Variants in PRDM5 observed in about 807,000 individuals in gnomAD.
PRDM5 encodes PR domain zinc finger protein 5.
Under a neutral mutation model 81.2 loss-of-function variants are expected in PRDM5, and 56 were observed. That is an observed-to-expected ratio of 0.69 (90% CI 0.56 to 0.86). The LOEUF (loss-of-function observed/expected upper bound fraction) is 0.86. PRDM5 is among the 40% of genes least tolerant of loss of function. The pLI, the probability that PRDM5 is intolerant of heterozygous loss-of-function variation, is 0.00. For missense variants in PRDM5, 697 were observed against 770.1 expected, an observed-to-expected ratio of 0.91 and a Z score of 1.12; for synonymous variants, 267 against 256.4, an observed-to-expected ratio of 1.04 and a Z score of -0.39.
chr4:120,807,016 C>T (rs1753077377), intron 8 of PRDM5, among the ~76,000 whole-genome samples: 4 of 152,106 alleles, frequency 2.6e-5, no homozygotes, highest in Admixed American at 2.6e-4. Context: ...AAAAAACAAA[C>T]AACCCCATCA....
intron 2 of PRDM5, among the ~76,000 whole-genome samples, chr4:120,871,076 G>C (rs957392176): frequency 2.0e-5 from 3 of 152,110 alleles, no homozygotes; most frequent in African/African-American, 7.2e-5. Context: ...CTCCACATGG[G>C]AAGAGGGAAC....
chr4:120,741,436 A>C (rs933863305), intron 14 of PRDM5, among the ~76,000 whole-genome samples: 8 of 151,872 alleles, frequency 5.3e-5, no homozygotes, highest in African/African-American at 1.9e-4. Context: ...AAGATGGCCG[A>C]ATAGGAACAG....
intron 13 of PRDM5, among the ~76,000 whole-genome samples, chr4:120,762,960 T>C (rs1343468214): frequency 6.6e-6 from 1 of 152,168 alleles, no homozygotes; most frequent in Non-Finnish European, 1.5e-5. Context: ...GAGTTTACAG[T>C]TGTAAGAAAG....
intron 8 of PRDM5, among the ~76,000 whole-genome samples, chr4:120,802,877 GAGA>G (rs1259091750): frequency 6.6e-6 from 1 of 152,208 alleles, no homozygotes. Flanking sequence ...GACGAGTTGA[GAGA>G]AGAAGGCTTC....
intron 2 of PRDM5, among the ~76,000 whole-genome samples, chr4:120,869,224 G>A (rs190714167): frequency 6.6e-6 from 1 of 151,918 alleles, no homozygotes; most frequent in Non-Finnish European, 1.5e-5. Flanking sequence ...ATAGGGCAAG[G>A]AAATTATAGA....
At chr4:120,721,246 T>C (rs987746003) in intron 14 of PRDM5, among the ~76,000 whole-genome samples, 2 of 152,194 alleles carry the variant, frequency 1.3e-5, no homozygotes, top group Admixed American at 1.3e-4. Flanking sequence ...TTTTCCCTAA[T>C]ATTCTCCTAA....
At chr4:120,798,137 T>C (rs112075644) in intron 10 of PRDM5, 130 bp downstream of exon 10, 16 of 602,118 alleles carry the variant, frequency 2.7e-5, no homozygotes, top group African/African-American at 1.7e-4. Flanking sequence ...ATGGCCCAGG[T>C]GAGTGATCTT....
chr4:120,822,818 A>G (rs564630835), intron 3 of PRDM5, among the ~76,000 whole-genome samples: 1 of 152,240 alleles, frequency 6.6e-6, no homozygotes, highest in Non-Finnish European at 1.5e-5. Flanking sequence ...AAAGCACTGA[A>G]GCAAATCTAA....
intron 14 of PRDM5, among the ~76,000 whole-genome samples, chr4:120,747,233 A>C (rs987430760): frequency 3.5e-5 from 5 of 144,810 alleles, no homozygotes; most frequent in Non-Finnish European, 7.5e-5. Context: ...GAATTGAACA[A>C]TGAGATCACA....
At chr4:120,686,863 TAA>T (rs1389041365) in intron 1 of PRDM5, among the ~76,000 whole-genome samples, 2 of 152,114 alleles carry the variant, frequency 1.3e-5, no homozygotes, top group South Asian at 2.1e-4. Context: ...TTTCTATACT[TAA>T]GTTACAAATC....
rs752080609 is a variant in PRDM5, at chr4:120,800,428, G to A, written c.946-683C>T. 7.3e-5 allele frequency among the ~76,000 whole-genome samples: 11 copies of A among 151,260 alleles called. No homozygotes were observed. The East Asian group carries it at 1.2e-3, about 16-fold the overall frequency. On this transcript the variant is annotated intron_variant, in intron 8 of 15. Transcript: ENST00000264808. ...GCTACAAAGGAGGCTGAAGCAGGAT[G>A]ATTGTTTGAACCTGGGAAGTCGAGG...
intron 15 of PRDM5, among the ~76,000 whole-genome samples, chr4:120,706,613 C>T (rs562929770): frequency 2.9e-4 from 44 of 151,890 alleles, no homozygotes; most frequent in African/African-American, 1.1e-3. Context: ...AAAGTTATTG[C>T]TATAGGCATG....
At chr4:120,741,867 G>T (rs951291174) in intron 14 of PRDM5, among the ~76,000 whole-genome samples, 1 of 152,168 alleles carries the variant, frequency 6.6e-6, no homozygotes, top group Non-Finnish European at 1.5e-5. Flanking sequence ...GCCCACCATT[G>T]CCCAGGCTTG....
chr4:120,781,079 AAC>A, intron 12 of PRDM5, 62 bp downstream of exon 12: 1 of 1,363,108 alleles, frequency 7.3e-7, no homozygotes, highest in East Asian at 2.3e-5. Flanking sequence ...CATGTTAGTT[AAC>A]ATATATACCC....
intron 7 of PRDM5, among the ~76,000 whole-genome samples, chr4:120,815,204 C>A (rs1228235119): frequency 6.6e-6 from 1 of 152,076 alleles, no homozygotes; most frequent in Non-Finnish European, 1.5e-5. Flanking sequence ...CATTGAAAAT[C>A]AAAAAACTAC....
At chr4:120,706,757 T>G (rs1018718343) in intron 15 of PRDM5, among the ~76,000 whole-genome samples, 1 of 94,884 alleles carries the variant, frequency 1.1e-5, no homozygotes, top group Non-Finnish European at 2.3e-5. Flanking sequence ...TTATATAAAT[T>G]TTATATATAT....
At chr4:120,827,496 C>T (rs1209017533) in intron 3 of PRDM5, among the ~76,000 whole-genome samples, 1 of 152,064 alleles carries the variant, frequency 6.6e-6, no homozygotes, top group African/African-American at 2.4e-5. Flanking sequence ...TTGCTAAATT[C>T]AGAAAGTTTA....
At chr4:120,695,751 T>C (rs1490516738) in intron 15 of PRDM5, among the ~76,000 whole-genome samples, 1 of 152,136 alleles carries the variant, frequency 6.6e-6, no homozygotes, top group Admixed American at 6.6e-5. Context: ...ATATGAGCTC[T>C]GCCACATTCC....
At chr4:120,686,034 GTATC>G (rs1454215066) in intron 1 of PRDM5, among the ~76,000 whole-genome samples, 1 of 151,920 alleles carries the variant, frequency 6.6e-6, no homozygotes, top group Non-Finnish European at 1.5e-5. Flanking sequence ...GAAGTCTGTA[GTATC>G]TCCCCACCCA....
Sources: gnomAD v4.1 joint callset for allele counts (sites outside exome capture counted in the v4.1 genomes callset) on GRCh38, gnomAD v4.1.1 for gene constraint, MANE v1.5 for transcripts, NCBI Gene and HGNC (gene_info 2026-07-23, HGNC 2026-07-21) for gene names.